RNF220: variants seen among roughly 807,000 people sequenced by gnomAD.
RNF220 encodes the protein E3 ubiquitin-protein ligase RNF220.
In RNF220, 7 loss-of-function variants were observed where a neutral mutation model predicts 67.1. That is an observed-to-expected ratio of 0.10 (90% CI 0.06 to 0.20). The LOEUF (loss-of-function observed/expected upper bound fraction) is 0.20, where lower values mean the gene tolerates loss of function less well. Among genes scored for constraint, RNF220 ranks in the 10% least tolerant of loss-of-function variants. The pLI is 1.00. For synonymous variants in RNF220, 270 were observed against 283.2 expected (o/e 0.95, Z 0.47); for missense variants, 565 against 740.3 (o/e 0.76, Z 2.75).
chr1:44,412,342 C>T lies in RNF220; in HGVS notation c.245C>T (p.Thr82Ile). 6.2e-7 allele frequency: 1 copy of T among 1,614,210 alleles called. No homozygotes were observed. Reference protein sequence around the residue: ...MYHRQGGVPGTFANRDFPPSL... With the variant: ...MYHRQGGVPGIFANRDFPPSL... ...CATCGGCAAGGTGGGGTGCCAGGCA[C>T]TTTTGCCAATCGTGATTTCCCCCCT... is the stretch of plus-strand genomic sequence containing the variant. The change falls in exon 2 of 15, where the codon ACT becomes ATT. Residue 82 changes from threonine to isoleucine, a missense_variant. Physicochemically the swap from Thr to Ile is moderately conservative, Grantham distance 89. Coordinates refer to ENST00000361799, the MANE Select transcript of RNF220 (RefSeq NM_018150.4). The surrounding 1 kb of genome is among the most constrained non-coding windows in gnomAD (Gnocchi z 5.3).
At chr1:44,546,786 C>A (rs1160602830) in intron 2 of RNF220, among the ~76,000 whole-genome samples, 1 of 152,178 alleles carries the variant, frequency 6.6e-6, no homozygotes, top group Non-Finnish European at 1.5e-5. Context: ...TCCCTCCACC[C>A]ATGTCTGGTT....
intron 2 of RNF220, among the ~76,000 whole-genome samples, chr1:44,492,614 A>G (rs1479234316): frequency 6.6e-6 from 1 of 152,254 alleles, no homozygotes; most frequent in Non-Finnish European, 1.5e-5. Flanking sequence ...TACATGCTAT[A>G]ACATGGAAGA....
intron 2 of RNF220, among the ~76,000 whole-genome samples, chr1:44,466,740 A>G (rs975315618): frequency 6.6e-5 from 10 of 152,362 alleles, no homozygotes; most frequent in Admixed American, 5.9e-4. Context: ...TTCTCTTAGC[A>G]GTAGATCTCA....
intron 2 of RNF220, among the ~76,000 whole-genome samples, chr1:44,520,426 A>G (rs1271286269): frequency 6.6e-6 from 1 of 152,162 alleles, no homozygotes. Flanking sequence ...AGATCGCACC[A>G]CTGCACTCCA....
At chr1:44,484,410 A>G (rs548400998) in intron 2 of RNF220, among the ~76,000 whole-genome samples, 2 of 152,118 alleles carry the variant, frequency 1.3e-5, no homozygotes, top group Non-Finnish European at 2.9e-5. Flanking sequence ...AAGAGGAAGA[A>G]GTGAGCACAT....
At chr1:44,590,086 G>A (rs1249106976) in intron 2 of RNF220, among the ~76,000 whole-genome samples, 2 of 152,226 alleles carry the variant, frequency 1.3e-5, no homozygotes, top group Admixed American at 1.3e-4. Flanking sequence ...TTCTGTGGCA[G>A]TGCGGATGCT....
chr1:44,514,097 C>A (rs941496623), intron 2 of RNF220, among the ~76,000 whole-genome samples: 1 of 152,104 alleles, frequency 6.6e-6, no homozygotes, highest in East Asian at 1.9e-4. Context: ...TAAATATAAC[C>A]AAGTAATAGA....
intron 2 of RNF220, among the ~76,000 whole-genome samples, chr1:44,533,502 A>G (rs144552048): frequency 1.3e-5 from 2 of 152,192 alleles, no homozygotes; most frequent in African/African-American, 2.4e-5. Flanking sequence ...AAATAAAAGA[A>G]AAAGAAATAA....
At chr1:44,488,585 G>A (rs2148045259) in intron 2 of RNF220, among the ~76,000 whole-genome samples, 1 of 152,340 alleles carries the variant, frequency 6.6e-6, no homozygotes, top group Admixed American at 6.5e-5. Context: ...GAAGTGCTGA[G>A]ATTGCAGGCG....
chr1:44,635,888 T>C, intron 7 of RNF220, 142 bp from the exon 8 acceptor site: 1 of 1,423,618 alleles, frequency 7.0e-7, no homozygotes, highest in Non-Finnish European at 9.6e-7. Flanking sequence ...GACCTCTAAA[T>C]TGGTTTGCTT....
rs535027434 is a variant in RNF220 at position 44,497,918 on chromosome 1, C to A, written c.625+85196C>A. ...CATCTGAACTCCCGAGGGATCTGGA[C>A]TGGCGCCAAAGGCAAAGGTGCTTGA... On this transcript the variant is annotated intron_variant, in intron 2 of 14. Coordinates refer to ENST00000361799, the MANE Select transcript of RNF220 (RefSeq NM_018150.4). Among the ~76,000 whole-genome samples, 5 of 152,326 alleles carry A rather than the reference C, an allele frequency of 3.3e-5. No homozygotes were observed. In the South Asian group the frequency reaches 1.0e-3, roughly 32 times the overall value.
chr1:44,484,117 A>T (rs1320272450), intron 2 of RNF220, among the ~76,000 whole-genome samples: 1 of 152,108 alleles, frequency 6.6e-6, no homozygotes, highest in African/African-American at 2.4e-5. Context: ...TTCAGGGTTT[A>T]TTAGGGTAGG....
intron 1 of RNF220, among the ~76,000 whole-genome samples, chr1:44,406,196 C>T (rs958810328): frequency 2.0e-5 from 3 of 152,170 alleles, no homozygotes; most frequent in Non-Finnish European, 4.4e-5. Flanking sequence ...GCTCGGCTGA[C>T]TTTTTCCTAG....
chr1:44,623,753 G>A (rs1643873034), intron 4 of RNF220, among the ~76,000 whole-genome samples: 1 of 152,206 alleles, frequency 6.6e-6, no homozygotes, highest in South Asian at 2.1e-4. Flanking sequence ...AGGTCCAGGA[G>A]GCAGGGAAGG....
chr1:44,508,075 G>A (rs911222946), intron 2 of RNF220, among the ~76,000 whole-genome samples: 2 of 152,006 alleles, frequency 1.3e-5, no homozygotes, highest in African/African-American at 4.8e-5. Flanking sequence ...TCTTGTTTGG[G>A]GGTGGGCGTG....
At chr1:44,444,496 G>A (rs372786303) in intron 2 of RNF220, among the ~76,000 whole-genome samples, 42 of 151,940 alleles carry the variant, frequency 2.8e-4, no homozygotes, top group African/African-American at 9.4e-4. Flanking sequence ...ACTGGAGTGT[G>A]GTGGTGCAGT....
chr1:44,649,915 G>C lies in RNF220; in HGVS notation c.1587G>C (p.Gln529His). 1 of 1,614,066 alleles carries C rather than the reference G, an allele frequency of 6.2e-7. No homozygotes were observed. Among genetic ancestry groups the C allele is most frequent in the Non-Finnish European group, 8.5e-7 (1 of 1,179,982 alleles). ...ACTCGATGCCCCTAACGTCCATCCA[G>C]TGTTGGCACGTGCACTGCGAGGAGT... ...DSYSMPLTSI[Q>H]CWHVHCEECW... The change falls in exon 14 of 15, where the codon CAG becomes CAC. Residue 529 changes from glutamine (Q) to histidine (H), a missense_variant. Coordinates refer to ENST00000361799, the MANE Select transcript of RNF220 (RefSeq NM_018150.4). The surrounding 1 kb of genome is among the most constrained non-coding windows in gnomAD (Gnocchi z 5.9).
chr1:44,412,934 T>C lies in RNF220; in HGVS notation c.625+212T>C, dbSNP rs908515216. Among the ~76,000 whole-genome samples, 1 of 152,306 alleles carries C rather than the reference T, an allele frequency of 6.6e-6. No individual in the cohort carries two copies. The highest frequency in any genetic ancestry group is 1.9e-4 in the East Asian group (1 of 5,178). Reference sequence around the variant, plus strand: ...TTTTCTGAAAGTAGCCAGAGGCAAGTTGGCCCCAGCACAGCCTTTCTCTCC... The same window carrying C: ...TTTTCTGAAAGTAGCCAGAGGCAAGCTGGCCCCAGCACAGCCTTTCTCTCC... On this transcript the variant is annotated intron_variant, in intron 2 of 14. Coordinates refer to ENST00000361799, the MANE Select transcript of RNF220 (RefSeq NM_018150.4). The surrounding 1 kb of genome is among the most constrained non-coding windows in gnomAD (Gnocchi z 5.3).
chr1:44,454,557 T>C (rs964889495), intron 2 of RNF220, among the ~76,000 whole-genome samples: 1 of 152,154 alleles, frequency 6.6e-6, no homozygotes, highest in African/African-American at 2.4e-5. Flanking sequence ...TGCTGTGTGT[T>C]AGTGTGTTTT....
Sources: gnomAD v4.1 joint callset for allele counts (sites outside exome capture counted in the v4.1 genomes callset) on GRCh38, gnomAD v4.1.1 for gene constraint, Gnocchi (gnomAD v3.1) non-coding constraint, MANE v1.5 for transcripts, NCBI Gene and HGNC (gene_info 2026-07-23, HGNC 2026-07-21) for gene names.